CSF1R: variants seen among roughly 807,000 people sequenced by gnomAD.
CSF1R encodes macrophage colony-stimulating factor 1 receptor.
CSF1R carries 40 observed loss-of-function variants against 110.0 expected under a neutral mutation model. That is an observed-to-expected ratio of 0.36 (90% CI 0.28 to 0.47). The LOEUF is 0.47. CSF1R is among the 20% of genes least tolerant of loss of function. The probability of loss-of-function intolerance (pLI) is 0.99; values close to 1 mark genes in which losing one functional copy is unlikely to be tolerated. For synonymous variants in CSF1R, 523 were observed against 503.4 expected (o/e 1.04, Z -0.52); for missense variants, 1,052 against 1,253.0 (o/e 0.84, Z 2.42).
intron 1 of CSF1R, among the ~76,000 whole-genome samples, chr5:150,096,206 A>G (rs1019730211): frequency 7.2e-5 from 11 of 152,198 alleles, no homozygotes; most frequent in Non-Finnish European, 1.6e-4. Flanking sequence ...CCTGGCCAAC[A>G]TGGTGAAACC....
intron 1 of CSF1R, among the ~76,000 whole-genome samples, chr5:150,086,132 C>G (rs1002291050): frequency 1.3e-5 from 2 of 151,970 alleles, no homozygotes; most frequent in African/African-American, 2.4e-5. Flanking sequence ...GAGGCTTGCT[C>G]AGGACACACA....
rs184499252 is a variant in CSF1R at position 150,060,902 on chromosome 5, G to T, written c.1929C>A (p.His643Gln). 2 of 1,611,462 alleles carry T rather than the reference G, an allele frequency of 1.2e-6. No individual in the cohort carries two copies. Among genetic ancestry groups the T allele is most frequent in the Non-Finnish European group, 1.7e-6 (2 of 1,178,880 alleles). ...ELKIMSHLGQ[H>Q]ENIVNLLGAC... ...CTCCCAGAAGGTTGACGATGTTCTCGTGCTGGCCCAGGTGGCTCATGATCT... is the reference window on the plus strand; with the variant it reads ...CTCCCAGAAGGTTGACGATGTTCTCTTGCTGGCCCAGGTGGCTCATGATCT... The change falls in exon 13 of 21, where the codon CAC becomes CAA. Residue 643 changes from histidine to glutamine, a missense_variant. Transcript: ENST00000675795.
chr5:150,065,244 C>G (rs201247932), intron 10 of CSF1R, among the ~76,000 whole-genome samples: 1 of 132,156 alleles, frequency 7.6e-6, no homozygotes, highest in African/African-American at 2.5e-5. Flanking sequence ...GTTCTCCATC[C>G]CAGGAAGGTG....
rs1040202343 is a variant in CSF1R, at chr5:150,053,709, G to A, written c.*360C>T. ...AAAGAGCCTGGTTTTCTCAGTATCA[G>A]TGTAGCTCCTGGGGACTTCATAGGC... is the stretch of plus-strand genomic sequence containing the variant. On this transcript the variant is annotated 3_prime_UTR_variant, in exon 21 of 21. Transcript: ENST00000675795. 1 of 383,640 alleles carries A rather than the reference G, an allele frequency of 2.6e-6. No individual in the cohort carries two copies. The highest frequency in any genetic ancestry group is 4.8e-6 in the Non-Finnish European group (1 of 207,614). The allele number at this position is 383,640 out of a possible 1,614,324, so 23.8% of individuals were successfully genotyped here.
At chr5:150,083,435 C>T (rs1172396058) in intron 1 of CSF1R, among the ~76,000 whole-genome samples, 1 of 151,396 alleles carries the variant, frequency 6.6e-6, no homozygotes, top group African/African-American at 2.4e-5. Flanking sequence ...CCCTCTTCAG[C>T]CCAGGATCTC....
At chr5:150,088,555 A>G (rs1758937260), upstream of CSF1R, among the ~76,000 whole-genome samples, 1 of 150,502 alleles carries the variant, frequency 6.6e-6, no homozygotes, top group South Asian at 2.1e-4. Flanking sequence ...CTTTTTTGAG[A>G]CAGGGTCTCA....
At chr5:150,093,762 T>C (rs774358973) in intron 1 of CSF1R, among the ~76,000 whole-genome samples, 7 of 152,176 alleles carry the variant, frequency 4.6e-5, no homozygotes, top group Non-Finnish European at 8.8e-5. Context: ...TTGTACTCCA[T>C]AAACATGTAC....
chr5:150,079,905 T>C (rs1758447371), intron 3 of CSF1R, 147 bp downstream of exon 3: 2 of 1,003,474 alleles, frequency 2.0e-6, no homozygotes, highest in Non-Finnish European at 2.9e-6. Context: ...CCATAGATGA[T>C]CGTGGAACCA....
chr5:150,102,112 G>A (rs932139752), intron 1 of CSF1R, among the ~76,000 whole-genome samples: 1 of 152,102 alleles, frequency 6.6e-6, no homozygotes, highest in African/African-American at 2.4e-5. Flanking sequence ...CACATGAATC[G>A]TTGTGTAAAT....
Position 150,056,270 on chromosome 5 carries a change from G to T in CSF1R, c.2391C>A (p.Phe797Leu). The T allele has an allele frequency of 6.2e-7, 1 of 1,614,132 alleles. No homozygotes were observed. The highest frequency in any genetic ancestry group is 8.5e-7 in the Non-Finnish European group (1 of 1,180,028). Residue 797 changes from phenylalanine (F) to leucine (L), a missense_variant, in exon 17 of 21, where the codon TTC becomes TTA. Coordinates refer to ENST00000675795, the MANE Select transcript of CSF1R (RefSeq NM_001288705.3). ...CATTCATGATGTCCCTAGCCAGCCC[G>T]AAGTCCCCAATCTTGGCCACATGAC... ...TNGHVAKIGDFGLARDIMNDS... is the reference protein window; with the variant it reads ...TNGHVAKIGDLGLARDIMNDS...
chr5:150,065,900 C>T (rs767485462), intron 10 of CSF1R, among the ~76,000 whole-genome samples: 29 of 152,186 alleles, frequency 1.9e-4, no homozygotes, highest in Non-Finnish European at 4.1e-4. Context: ...CAGAAAGGGC[C>T]GCAGGGGGCC....
At chr5:150,092,629 T>C (rs113193477) in intron 1 of CSF1R, among the ~76,000 whole-genome samples, 2,138 of 152,234 alleles carry the variant, frequency 0.014, 34 homozygotes, top group African/African-American at 0.05. Flanking sequence ...AAAGAGTATA[T>C]GCAGGGGAAC....
chr5:150,085,941 C>T (rs894541364), intron 1 of CSF1R, among the ~76,000 whole-genome samples: 1 of 152,192 alleles, frequency 6.6e-6, no homozygotes. Context: ...GTTGGATATA[C>T]AGAATCTCAG....
rs1757872206 is a variant in CSF1R at position 150,068,323 on chromosome 5, G to A, written c.1518C>T (p.His506=). The part of the protein sequence containing the change: ...WAFIPISAGA[H]THPPDEFLFT... ...AGAGGAACTCATCCGGGGGATGCGT[G>A]TGGGCTCCTGGAAGGCATGAAGCAA... The change falls in exon 10 of 21, where the codon CAC becomes CAT. Residue 506 remains histidine, a synonymous_variant. Coordinates refer to ENST00000675795, the MANE Select transcript of CSF1R (RefSeq NM_001288705.3). 2 of 1,611,936 alleles carry A rather than the reference G, an allele frequency of 1.2e-6. No homozygotes were observed. Among genetic ancestry groups the A allele is most frequent in the Non-Finnish European group, 1.7e-6 (2 of 1,179,304 alleles).
chr5:150,062,495 A>G (rs1581293212), intron 10 of CSF1R, among the ~76,000 whole-genome samples: 1 of 147,316 alleles, frequency 6.8e-6, no homozygotes, highest in East Asian at 2.0e-4. Context: ...TAGGCACTGC[A>G]CCTCAGTGGA....
At chr5:150,088,924 A>C (rs77341413), upstream of CSF1R, among the ~76,000 whole-genome samples, 8 of 152,398 alleles carry the variant, frequency 5.2e-5, no homozygotes, top group East Asian at 1.3e-3. Flanking sequence ...GGTTTAACAC[A>C]TGAAAATCAG....
intron 1 of CSF1R, among the ~76,000 whole-genome samples, chr5:150,083,256 C>T (rs570095720): frequency 2.8e-4 from 42 of 151,280 alleles, no homozygotes; most frequent in Middle Eastern, 3.2e-3. Context: ...CCAATTCTCC[C>T]CATGCCCCAC....
chr5:150,082,341 A>T (rs1449375516), intron 1 of CSF1R, among the ~76,000 whole-genome samples: 1 of 152,210 alleles, frequency 6.6e-6, no homozygotes, highest in Non-Finnish European at 1.5e-5. Context: ...CCAGAATTGG[A>T]AAGGTTTCCT....
rs1403823146 is a variant in CSF1R at position 150,056,077 on chromosome 5, G to A, written c.2503C>T (p.Gln835Ter). 1.9e-6 allele frequency: 3 copies of A among 1,614,106 alleles called. No individual in the cohort carries two copies. Among genetic ancestry groups the A allele is most frequent in the African/African-American group, 1.3e-5 (1 of 74,930 alleles). Residue 835 changes from glutamine to a stop codon, truncating the protein, a stop_gained, in exon 18 of 21, where the codon CAG becomes TAG. Coordinates refer to ENST00000675795, the MANE Select transcript of CSF1R (RefSeq NM_001288705.3). LOFTEE classifies it high-confidence loss of function. ...ESIFDCVYTV[Q>*]SDVWSYGILL... ...ATGCCATAGGACCAGACGTCGCTCTGAACCGTGTAGACACAGTCAAAGATG... is the reference window on the plus strand; with the variant it reads ...ATGCCATAGGACCAGACGTCGCTCTAAACCGTGTAGACACAGTCAAAGATG...
Sources: allele counts gnomAD v4.1 joint callset (sites outside exome capture counted in the v4.1 genomes callset), GRCh38; gene constraint gnomAD v4.1.1; transcripts MANE v1.5; gene names NCBI Gene and HGNC (gene_info 2026-07-23, HGNC 2026-07-21).